CEP95: variants seen among roughly 807,000 people sequenced by gnomAD.
CEP95 encodes the protein centrosomal protein of 95 kDa.
Under a neutral mutation model 111.2 loss-of-function variants are expected in CEP95, and 98 were observed. That is an observed-to-expected ratio of 0.88 (90% CI 0.75 to 1.04). The LOEUF is 1.04. Ranked by LOEUF, CEP95 falls within the 50% of genes least tolerant of loss-of-function variation. CEP95 has a pLI of 0.00. For missense variants in CEP95, 1,027 were observed against 977.2 expected, an observed-to-expected ratio of 1.05 and a Z score of -0.68; for synonymous variants, 323 against 327.1, an observed-to-expected ratio of 0.99 and a Z score of 0.14.
chr17:64,508,826 CTTG>C (rs2038729887), intron 2 of CEP95, 106 bp downstream of exon 2: 3 of 388,720 alleles, frequency 7.7e-6, no homozygotes, highest in South Asian at 1.5e-4. Flanking sequence ...TTTCTCTTTG[CTTG>C]TTTCTTTTTT....
chr17:64,522,747 G>T lies in CEP95; in HGVS notation c.761G>T (p.Gly254Val), dbSNP rs782010350. Residue 254 changes from glycine to valine, a missense_variant, in exon 8 of 20, where the codon GGG (glycine) becomes GTG (valine). By Grantham distance (109) the Gly-to-Val change is moderately radical (BLOSUM62 -3). Coordinates refer to ENST00000556440, the MANE Select transcript of CEP95 (RefSeq NM_138363.3). ...GGGATTCCAAATGCTAGGAAGCTAGGGGAGCCTATCCGAGCAGCTATTCCT... is the reference window on the plus strand; with the variant it reads ...GGGATTCCAAATGCTAGGAAGCTAGTGGAGCCTATCCGAGCAGCTATTCCT... Reference protein sequence around the residue: ...VSGIPNARKLGEPIRAAIPLH... With the variant: ...VSGIPNARKLVEPIRAAIPLH... The T allele has an allele frequency of 3.1e-6, 5 of 1,613,760 alleles. No individual in the cohort carries two copies. Among genetic ancestry groups the T allele is most frequent in the Non-Finnish European group, 4.2e-6 (5 of 1,179,776 alleles).
intron 12 of CEP95, 65 bp from the exon 13 acceptor site, chr17:64,530,861 A>C: frequency 1.1e-6 from 1 of 894,200 alleles, no homozygotes; most frequent in Non-Finnish European, 1.7e-6. Flanking sequence ...TTAACCAGCT[A>C]AGCCATGGTG....
At chr17:64,508,286 A>G (rs1555673610) in intron 1 of CEP95, 2 of 988,312 alleles carry the variant, frequency 2.0e-6, no homozygotes, top group Admixed American at 6.1e-5. Flanking sequence ...TTAACTAAAA[A>G]CACCCATGTA....
At chr17:64,521,603 T>C in intron 7 of CEP95, 76 bp downstream of exon 7, 2 of 1,383,884 alleles carry the variant, frequency 1.4e-6, no homozygotes, top group South Asian at 1.4e-5. Flanking sequence ...TTAGCCTTTT[T>C]ACTTTTATTG....
chr17:64,508,826 C>T (rs1389679419), intron 2 of CEP95, 106 bp downstream of exon 2: 10 of 388,720 alleles, frequency 2.6e-5, no homozygotes, highest in Middle Eastern at 9.7e-4. Flanking sequence ...TTTCTCTTTG[C>T]TTGTTTCTTT....
At chr17:64,536,464 A>G (rs1968661479) in intron 17 of CEP95, 138 bp from the exon 18 acceptor site, 1 of 581,526 alleles carries the variant, frequency 1.7e-6, no homozygotes. Flanking sequence ...AAGGAGGTAC[A>G]TTTTATGGTA....
In CEP95 at chr17:64,522,783, C is replaced by T. The variant is rs1555678200; in HGVS notation, c.797C>T (p.Pro266Leu). 4 of 1,613,816 alleles carry T rather than the reference C, an allele frequency of 2.5e-6. No homozygotes were observed. The highest frequency in any genetic ancestry group is 3.4e-6 in the Non-Finnish European group (4 of 1,179,818). Residue 266 changes from proline (P) to leucine (L), a missense_variant, in exon 8 of 20, where the codon CCC (proline) becomes CTC (leucine). Coordinates refer to ENST00000556440, the MANE Select transcript of CEP95 (RefSeq NM_138363.3). ...CGAGCAGCTATTCCTTTACATCCAC[C>T]CTACCACCCTTCAGAGCCTCGAGCA... The part of the protein sequence containing the change: ...PIRAAIPLHP[P>L]YHPSEPRAPC...
At chr17:64,511,366 C>T (rs2313444) in intron 3 of CEP95, among the ~76,000 whole-genome samples, 1,904 of 152,276 alleles carry the variant, frequency 0.013, 17 homozygotes, top group Middle Eastern at 0.037. Context: ...TGGCCACGCC[C>T]GGGGGACCGT....
Position 64,529,424 on chromosome 17 carries a change from A to G in CEP95, c.1443A>G (p.Ala481=). Reference sequence around the variant, plus strand: ...AAACAGATGTCCGCCAATTCCAAGCACAGGTTCTTCCCCATCTCTTGACTA... The same window carrying G: ...AAACAGATGTCCGCCAATTCCAAGCGCAGGTTCTTCCCCATCTCTTGACTA... ...PRETDVRQFQ[A]QAFTEAFERE... Residue 481 remains alanine, a synonymous_variant, in exon 12 of 20, where the codon GCA becomes GCG. Transcript: ENST00000556440. 6.2e-7 allele frequency: 1 copy of G among 1,613,646 alleles called. No individual in the cohort carries two copies. The highest frequency in any genetic ancestry group is 8.5e-7 in the Non-Finnish European group (1 of 1,179,674).
chr17:64,522,679 T>A, intron 7 of CEP95, 23 bp from the exon 8 acceptor site: 1 of 1,579,894 alleles, frequency 6.3e-7, no homozygotes, highest in Non-Finnish European at 8.7e-7. Context: ...CATCGTAATA[T>A]CCACTTTAAT....
intron 3 of CEP95, among the ~76,000 whole-genome samples, chr17:64,512,453 A>G (rs767695333): frequency 6.6e-6 from 1 of 152,220 alleles, no homozygotes; most frequent in African/African-American, 2.4e-5. Context: ...AAAACTAAGC[A>G]TACCAAATAT....
In CEP95 at chr17:64,508,672, A is replaced by G. The variant is rs782196972; in HGVS notation, c.100A>G (p.Asn34Asp). ...RIHELQDCDA[N>D]VFIALYQSIL... Reference sequence around the variant, plus strand: ...ACATGAACTTCAAGACTGTGATGCTAATGTTTTTATTGCTCTTTATCAGTC... The same window carrying G: ...ACATGAACTTCAAGACTGTGATGCTGATGTTTTTATTGCTCTTTATCAGTC... The change falls in exon 2 of 20, where the codon AAT becomes GAT. Residue 34 changes from asparagine (N) to aspartate (D), a missense_variant. By Grantham distance (23) the Asn-to-Asp change is conservative. Transcript: ENST00000556440. The G allele has an allele frequency of 3.4e-6, 5 of 1,460,764 alleles. No homozygotes were observed. Among genetic ancestry groups the G allele is most frequent in the South Asian group, 1.6e-5 (1 of 63,414 alleles). 90.5% of individuals were successfully genotyped at this position (1,460,764 alleles called of 1,614,324 possible). A position where few individuals can be genotyped will look rare whatever the true frequency, so the allele number is the denominator to read the frequency against.
intron 4 of CEP95, chr17:64,514,776 C>T: frequency 4.2e-6 from 1 of 237,774 alleles, no homozygotes; most frequent in Non-Finnish European, 8.0e-6. Flanking sequence ...TTGTGACAGC[C>T]TAAATATTTC....
intron 7 of CEP95, 35 bp downstream of exon 7, chr17:64,521,562 A>G: frequency 1.9e-6 from 3 of 1,593,328 alleles, no homozygotes; most frequent in Non-Finnish European, 8.5e-7. Context: ...TTTACTGCTG[A>G]TGATCATTCT....
rs1555679775 is a variant in CEP95, at chr17:64,529,334, T to C, written c.1353T>C (p.Ser451=). The C allele has an allele frequency of 6.2e-7, 1 of 1,613,828 alleles. No individual in the cohort carries two copies. Among genetic ancestry groups the C allele is most frequent in the East Asian group, 2.2e-5 (1 of 44,858 alleles). ...RKPPYRSHSL[S]PSPVNKHKQF... is the part of the protein sequence containing the mutation. Reference sequence around the variant, plus strand: ...CACCCTACAGATCCCATTCGCTCTCTCCATCTCCAGTTAACAAACACAAAC... The same window carrying C: ...CACCCTACAGATCCCATTCGCTCTCCCCATCTCCAGTTAACAAACACAAAC... Residue 451 remains serine (S), a synonymous_variant, in exon 12 of 20, where the codon TCT becomes TCC. Transcript: ENST00000556440.
chr17:64,510,659 C>T (rs1273193726), intron 3 of CEP95, among the ~76,000 whole-genome samples: 1 of 152,210 alleles, frequency 6.6e-6, no homozygotes, highest in Non-Finnish European at 1.5e-5. Flanking sequence ...AGGTGATCCT[C>T]TCACCTCAGC....
chr17:64,518,957 A>T (rs1388216539), intron 5 of CEP95, among the ~76,000 whole-genome samples: 2 of 152,204 alleles, frequency 1.3e-5, no homozygotes, highest in Admixed American at 6.5e-5. Context: ...CTAGGATTAC[A>T]GGTGTGAGCT....
intron 10 of CEP95, 149 bp downstream of exon 10, chr17:64,526,349 C>A: frequency 1.3e-6 from 1 of 753,428 alleles, no homozygotes; most frequent in Non-Finnish European, 2.0e-6. Context: ...GCAGGTAGAA[C>A]AGGAAGTGAT....
chr17:64,509,769 G>A (rs2038788720), intron 2 of CEP95, among the ~76,000 whole-genome samples: 1 of 151,898 alleles, frequency 6.6e-6, no homozygotes, highest in Non-Finnish European at 1.5e-5. Context: ...TTCGTAGAAA[G>A]TAGCCCATAG....
Sources: gnomAD v4.1 joint callset for allele counts (sites outside exome capture counted in the v4.1 genomes callset) on GRCh38, gnomAD v4.1.1 for gene constraint, MANE v1.5 for transcripts, NCBI Gene and HGNC (gene_info 2026-07-23, HGNC 2026-07-21) for gene names.